Variants in SRSF12 observed in about 807,000 individuals in gnomAD.
SRSF12 encodes serine/arginine-rich splicing factor 12.
SRSF12 carries 21 observed loss-of-function variants against 34.1 expected under a neutral mutation model. The observed-to-expected ratio is 0.62, with a 90% CI of 0.44 to 0.89. SRSF12 has a LOEUF of 0.89. SRSF12 is among the 40% of genes least tolerant of loss of function. SRSF12 has a pLI of 0.00. For missense variants in SRSF12, 278 were observed against 327.8 expected (o/e 0.85, Z 1.17); for synonymous variants, 111 against 110.8 (o/e 1.00, Z -0.01).
intron 2 of SRSF12, 186 bp from the exon 3 acceptor site, chr6:89,105,716 T>C (rs1318036705): frequency 1.5e-5 from 6 of 402,598 alleles, no homozygotes; most frequent in Non-Finnish European, 2.6e-5. Context: ...AATGACCCAT[T>C]ATGTTTAGAA....
At chr6:89,111,777 C>T (rs1389192317) in intron 1 of SRSF12, among the ~76,000 whole-genome samples, 1 of 152,032 alleles carries the variant, frequency 6.6e-6, no homozygotes, top group Non-Finnish European at 1.5e-5. Flanking sequence ...TTATAGCTGA[C>T]ATTTATTAGG....
In SRSF12 at chr6:89,113,692, G is replaced by A. The variant is rs538683658; in HGVS notation, c.65+4131C>T. Among the ~76,000 whole-genome samples the A allele has an allele frequency of 4.5e-4, 69 of 152,070 alleles. No individual in the cohort carries two copies. The South Asian group carries it at 0.013, about 28-fold the overall frequency. Reference sequence around the variant, plus strand: ...GAGACAGAGTCTCACTCTCACCCCCGGAGTGCAGTGGTGCCATCTTGACTC... The same window carrying A: ...GAGACAGAGTCTCACTCTCACCCCCAGAGTGCAGTGGTGCCATCTTGACTC... On this transcript the variant is annotated intron_variant, in intron 1 of 4. Coordinates refer to ENST00000452027, the MANE Select transcript of SRSF12 (RefSeq NM_080743.5).
chr6:89,099,498 A>ATG (rs1256462968), intron 4 of SRSF12, among the ~76,000 whole-genome samples: 11 of 111,246 alleles, frequency 9.9e-5, no homozygotes, highest in African/African-American at 3.7e-4. Flanking sequence ...GTATATATAT[A>ATG]TGTGTGTATA....
At chr6:89,114,879 C>T (rs1414476897) in intron 1 of SRSF12, among the ~76,000 whole-genome samples, 2 of 152,094 alleles carry the variant, frequency 1.3e-5, no homozygotes, top group East Asian at 1.9e-4. Context: ...TCACTGCAAC[C>T]TCCACCTCCC....
At chr6:89,111,333 A>C (rs1231042651) in intron 1 of SRSF12, among the ~76,000 whole-genome samples, 1 of 152,144 alleles carries the variant, frequency 6.6e-6, no homozygotes, top group East Asian at 1.9e-4. Context: ...TCCTCTTGAA[A>C]ATATGTTGTA....
chr6:89,114,319 T>C lies in SRSF12; in HGVS notation c.65+3504A>G, dbSNP rs146188472. On this transcript the variant is annotated intron_variant, in intron 1 of 4. Coordinates refer to ENST00000452027, the MANE Select transcript of SRSF12 (RefSeq NM_080743.5). ...GGCACACATCTGTAATCCCAGCTAC[T>C]CGGGAGGCTGAGGCAGGAGAACTGC... Among the ~76,000 whole-genome samples the C allele has an allele frequency of 7.5e-3, 1,142 of 152,140 alleles. 16 individuals are homozygous for C. The highest frequency in any genetic ancestry group is 0.026 in the African/African-American group (1,093 of 41,524).
chr6:89,108,754 G>C (rs1768907941), intron 1 of SRSF12, among the ~76,000 whole-genome samples: 1 of 152,196 alleles, frequency 6.6e-6, no homozygotes. Flanking sequence ...ACACTGATAA[G>C]AGTTCTATAA....
chr6:89,103,518 G>A (rs1393929572), intron 4 of SRSF12, among the ~76,000 whole-genome samples: 5 of 152,104 alleles, frequency 3.3e-5, no homozygotes, highest in East Asian at 3.9e-4. Context: ...TAGTAGACAC[G>A]GGGTTTCGCC....
rs540119655 is a variant in SRSF12 at position 89,097,795 on chromosome 6, T to C, written c.*783A>G. On this transcript the variant is annotated 3_prime_UTR_variant, in exon 5 of 5. Transcript: ENST00000452027. ...GTGGAAATAATGGTATCAAATATGA[T>C]TTTATACAAAATGTACCATTCTTCA... 1.9e-4 allele frequency: 29 copies of C among 152,326 alleles called. No individual in the cohort carries two copies. The highest frequency in any genetic ancestry group is 3.4e-3 in the Middle Eastern group (1 of 294). The allele number at this position is 152,326 out of a possible 1,614,324, so 9.4% of individuals were successfully genotyped here.
Position 89,105,122 on chromosome 6 carries a change from T to C in SRSF12, c.413A>G (p.Lys138Arg). 6.2e-7 allele frequency: 1 copy of C among 1,611,502 alleles called. No individual in the cohort carries two copies. The highest frequency in any genetic ancestry group is 1.1e-5 in the South Asian group (1 of 90,764). Residue 138 changes from lysine (K) to arginine (R), a missense_variant, in exon 4 of 5, where the codon AAA becomes AGA. By Grantham distance (26) the Lys-to-Arg change is conservative (BLOSUM62 2). Transcript: ENST00000452027. ...GRNRRRSDSL[K>R]ESRHRRFSYS... ...TTTTCAGTCCTCTTATACTCACTCT[T>C]TAAGGCTGTCTGACCGCCTCCTATT...
chr6:89,099,091 A>T, intron 4 of SRSF12, 144 bp from the exon 5 acceptor site: 1 of 1,085,104 alleles, frequency 9.2e-7, no homozygotes, highest in Non-Finnish European at 1.3e-6. Flanking sequence ...TTTATTATGC[A>T]TGCTTTTGGT....
chr6:89,104,694 A>G (rs1768704904), intron 4 of SRSF12, among the ~76,000 whole-genome samples: 1 of 152,186 alleles, frequency 6.6e-6, no homozygotes. Context: ...TTATCTTTTA[A>G]CAAAAATTGA....
chr6:89,105,549 CA>C lies in SRSF12; in HGVS notation c.171-20del. 6.6e-7 allele frequency: 1 copy of C among 1,518,218 alleles called. No individual in the cohort carries two copies. Among genetic ancestry groups the C allele is most frequent in the South Asian group, 1.2e-5 (1 of 80,002 alleles). The allele number at this position is 1,518,218 out of a possible 1,614,324, so 94.0% of individuals were successfully genotyped here. ...TTCAAATATGACTAGCTGTTAAGGACACTTTGAACATGAGATATCAAGTAAA... is the reference window on the plus strand; with the variant it reads ...TTCAAATATGACTAGCTGTTAAGGACCTTTGAACATGAGATATCAAGTAAA... On this transcript the variant is annotated intron_variant, in intron 2 of 4. Coordinates refer to ENST00000452027, the MANE Select transcript of SRSF12 (RefSeq NM_080743.5).
rs190351324 is a variant in SRSF12 at position 89,104,510 on chromosome 6, A to G, written c.416+609T>C. ...CTCAGCCTCTCAAAGTGCTGGGATCATAAGTGTGAGCCACTGCACGCGGCT... is the reference window on the plus strand; with the variant it reads ...CTCAGCCTCTCAAAGTGCTGGGATCGTAAGTGTGAGCCACTGCACGCGGCT... On this transcript the variant is annotated intron_variant, in intron 4 of 4. Transcript: ENST00000452027. 3.2e-3 allele frequency among the ~76,000 whole-genome samples: 480 copies of G among 152,172 alleles called. 2 individuals are homozygous for G. Among genetic ancestry groups the G allele is most frequent in the Admixed American group, 6.1e-3 (94 of 15,292 alleles).
At chr6:89,104,564 T>C (rs563051239) in intron 4 of SRSF12, among the ~76,000 whole-genome samples, 1 of 151,968 alleles carries the variant, frequency 6.6e-6, no homozygotes, top group South Asian at 2.1e-4. Context: ...ACTTTTTTTT[T>C]CTGCTCACTA....
intron 4 of SRSF12, among the ~76,000 whole-genome samples, chr6:89,101,776 C>T (rs1768550797): frequency 6.6e-6 from 1 of 152,066 alleles, no homozygotes; most frequent in Non-Finnish European, 1.5e-5. Flanking sequence ...GGAGCAACCA[C>T]AAGACTGACA....
chr6:89,105,704 C>T (rs763967953), intron 2 of SRSF12, 174 bp from the exon 3 acceptor site: 2 of 428,134 alleles, frequency 4.7e-6, no homozygotes, highest in Non-Finnish European at 8.2e-6. Context: ...CTCATGAAAA[C>T]AAATGACCCA....
intron 4 of SRSF12, among the ~76,000 whole-genome samples, chr6:89,102,364 A>AC (rs1345488951): frequency 6.6e-6 from 1 of 151,976 alleles, no homozygotes; most frequent in Non-Finnish European, 1.5e-5. Context: ...GGCATGTCTG[A>AC]CCTCAAGTCA....
Position 89,117,994 on chromosome 6 carries a change from C to A in SRSF12, c.-107G>T. 8.1e-7 allele frequency: 1 copy of A among 1,241,858 alleles called. No individual in the cohort carries two copies. Among genetic ancestry groups the A allele is most frequent in the East Asian group, 3.4e-5 (1 of 29,810 alleles). 76.9% of individuals were successfully genotyped at this position (1,241,858 alleles called of 1,614,324 possible). A position where few individuals can be genotyped will look rare whatever the true frequency, so the allele number is the denominator to read the frequency against. Reference sequence around the variant, plus strand: ...GAGCTCCGCCGGCCCCCGGCGCGACCCCCACCCCTCGGCCTCAGCCCCGCC... The same window carrying A: ...GAGCTCCGCCGGCCCCCGGCGCGACACCCACCCCTCGGCCTCAGCCCCGCC... On this transcript the variant is annotated 5_prime_UTR_variant, in exon 1 of 5. Coordinates refer to ENST00000452027, the MANE Select transcript of SRSF12 (RefSeq NM_080743.5).
Sources: allele counts gnomAD v4.1 joint callset (sites outside exome capture counted in the v4.1 genomes callset), GRCh38; gene constraint gnomAD v4.1.1; transcripts MANE v1.5; gene names NCBI Gene and HGNC (gene_info 2026-07-23, HGNC 2026-07-21).